The following SOX6 variants were observed in gnomAD, a reference collection of about 807,000 sequenced individuals.
SOX6 encodes SRY-box transcription factor 6, also known as transcription factor SOX-6.
A neutral mutation model predicts 97.8 loss-of-function variants in SOX6; 11 were observed. The ratio of observed to expected loss-of-function variants is 0.11; its 90% CI spans 0.07 to 0.19. SOX6 has a LOEUF of 0.19. Ranked by LOEUF, SOX6 falls within the 10% of genes least tolerant of loss-of-function variation. SOX6 has a pLI of 1.00. For missense variants in SOX6, 810 were observed against 1,039.5 expected, an observed-to-expected ratio of 0.78 and a Z score of 3.04; for synonymous variants, 360 against 371.4, an observed-to-expected ratio of 0.97 and a Z score of 0.35.
intron 3 of SOX6, among the ~76,000 whole-genome samples, chr11:16,684,941 G>A (rs1165184374): frequency 1.3e-5 from 2 of 152,016 alleles, no homozygotes; most frequent in Non-Finnish European, 1.5e-5. Context: ...GGTACCAGAC[G>A]TGTCACATGG....
At chr11:16,293,804 T>A (rs1371465010) in intron 3 of SOX6, among the ~76,000 whole-genome samples, 1 of 152,026 alleles carries the variant, frequency 6.6e-6, no homozygotes, top group Non-Finnish European at 1.5e-5. Context: ...CACATTTTAT[T>A]TCTCATATCC....
At chr11:16,246,520 T>C (rs1023578313) in intron 3 of SOX6, among the ~76,000 whole-genome samples, 15 of 152,078 alleles carry the variant, frequency 9.9e-5, no homozygotes, top group Non-Finnish European at 1.9e-4. Context: ...AATTATAAAA[T>C]TGTAGGTTGC....
chr11:16,666,091 C>T (rs763014634), intron 3 of SOX6, among the ~76,000 whole-genome samples: 29 of 152,274 alleles, frequency 1.9e-4, no homozygotes, highest in Admixed American at 3.9e-4. Flanking sequence ...TGGACAGATA[C>T]AAACAAGCCC....
At chr11:16,171,996 C>A (rs1408495827) in intron 6 of SOX6, among the ~76,000 whole-genome samples, 1 of 151,620 alleles carries the variant, frequency 6.6e-6, no homozygotes, top group Admixed American at 6.6e-5. Context: ...ATCCTTCAAG[C>A]AGGAGACCCA....
chr11:16,281,654 T>A (rs2134243404), intron 3 of SOX6, among the ~76,000 whole-genome samples: 1 of 152,026 alleles, frequency 6.6e-6, no homozygotes, highest in South Asian at 2.1e-4. Context: ...CATATTAATA[T>A]CTGTTAATAT....
intron 1 of SOX6, among the ~76,000 whole-genome samples, chr11:16,352,188 A>G (rs1400706824): frequency 6.6e-6 from 1 of 152,042 alleles, no homozygotes; most frequent in Non-Finnish European, 1.5e-5. Flanking sequence ...CTCCCAAAAT[A>G]ATCAATTTAT....
At chr11:16,713,580 CAT>C (rs1371917118) in intron 3 of SOX6, among the ~76,000 whole-genome samples, 2 of 152,114 alleles carry the variant, frequency 1.3e-5, no homozygotes, top group Non-Finnish European at 2.9e-5. Flanking sequence ...CTCTAAAATT[CAT>C]ATGAGTATAA....
chr11:16,318,659 A>G lies in SOX6; in HGVS notation c.238-6T>C. ...AACTTATTATTCTCTGATTCCTAGA[A>G]AAATAAAATAAAATAAAACCATTAG... On this transcript the variant is annotated splice_polypyrimidine_tract_variant and splice_region_variant and intron_variant, in intron 2 of 15. Coordinates refer to ENST00000683767, the MANE Select transcript of SOX6 (RefSeq NM_001367873.1). The G allele has an allele frequency of 6.2e-7, 1 of 1,605,348 alleles. No individual in the cohort carries two copies. The highest frequency in any genetic ancestry group is 8.5e-7 in the Non-Finnish European group (1 of 1,172,952).
chr11:16,497,683 T>A (rs1372788862), intron 4 of SOX6, among the ~76,000 whole-genome samples: 2 of 152,140 alleles, frequency 1.3e-5, no homozygotes, highest in Non-Finnish European at 2.9e-5. Context: ...CAAGCCTAAG[T>A]AGCCGATTTG....
intron 4 of SOX6, among the ~76,000 whole-genome samples, chr11:16,556,123 A>G (rs1847745668): frequency 6.6e-6 from 1 of 151,732 alleles, no homozygotes; most frequent in South Asian, 2.1e-4. Context: ...AACAATCATC[A>G]CTAGAAACAG....
chr11:16,531,171 G>C (rs188743601), intron 4 of SOX6, among the ~76,000 whole-genome samples: 33 of 150,676 alleles, frequency 2.2e-4, no homozygotes, highest in Non-Finnish European at 4.0e-4. Context: ...TATATATAGA[G>C]AGAAAGAGAG....
At chr11:16,070,848 C>T (rs549329141) in intron 9 of SOX6, among the ~76,000 whole-genome samples, 24 of 152,298 alleles carry the variant, frequency 1.6e-4, no homozygotes, top group African/African-American at 5.3e-4. Context: ...CCCCTATATC[C>T]CTCCCATCAC....
chr11:15,986,258 T>A lies in SOX6; in HGVS notation c.2129A>T (p.Tyr710Phe). Reference sequence around the variant, plus strand: ...TCTCCGAGACCTCATCAGTTGCTTATACTCCCCAATCCGAAGCTTTTTGCC... The same window carrying A: ...TCTCCGAGACCTCATCAGTTGCTTAAACTCCCCAATCCGAAGCTTTTTGCC... ...VDGKKLRIGE[Y>F]KQLMRSRRQE... Residue 710 changes from tyrosine to phenylalanine, a missense_variant, in exon 15 of 16, where the codon TAT becomes TTT. Coordinates refer to ENST00000683767, the MANE Select transcript of SOX6 (RefSeq NM_001367873.1). The A allele has an allele frequency of 6.2e-7, 1 of 1,614,204 alleles. No individual in the cohort carries two copies. The highest frequency in any genetic ancestry group is 8.5e-7 in the Non-Finnish European group (1 of 1,180,012).
chr11:16,310,289 G>A (rs549425532), intron 3 of SOX6, among the ~76,000 whole-genome samples: 25 of 151,898 alleles, frequency 1.6e-4, no homozygotes, highest in Middle Eastern at 3.4e-3. Context: ...GTTTTTTAAG[G>A]TAATATGAGA....
intron 4 of SOX6, among the ~76,000 whole-genome samples, chr11:16,226,628 A>C (rs1399586132): frequency 6.6e-6 from 1 of 152,170 alleles, no homozygotes; most frequent in Non-Finnish European, 1.5e-5. Flanking sequence ...ATATCTCATA[A>C]ATAACTATGG....
intron 3 of SOX6, among the ~76,000 whole-genome samples, chr11:16,645,695 A>G (rs1590034739): frequency 6.6e-6 from 1 of 152,366 alleles, no homozygotes; most frequent in South Asian, 2.1e-4. Flanking sequence ...GCTGCAAGCC[A>G]AGAAACACCA....
rs114784155 is a variant in SOX6, at chr11:16,627,670, T to C, written n.430-15410A>G. On this transcript the variant is annotated intron_variant and non_coding_transcript_variant, in intron 3 of 5. Coordinates refer to the SOX6 transcript ENST00000524520. ...TTTGTGTTTTCCTTGTTCAATTGTT[T>C]AAGCTCCTTCTGGATTCTGGATATT... Among the ~76,000 whole-genome samples the C allele has an allele frequency of 3.1e-3, 473 of 152,364 alleles. 4 individuals are homozygous for C. Among genetic ancestry groups the C allele is most frequent in the African/African-American group, 0.011 (446 of 41,582 alleles).
In SOX6 at chr11:16,010,549, C is replaced by T. The variant is rs939713343; in HGVS notation, c.1732+4393G>A. On this transcript the variant is annotated intron_variant, in intron 13 of 15. Transcript: ENST00000683767. ...TAGAAGAATGTTTTCTTACTCAAAC[C>T]ATGCAGCAAAACAGAAACAAAAGAA... is the stretch of plus-strand genomic sequence containing the variant. 2.2e-4 allele frequency among the ~76,000 whole-genome samples: 33 copies of T among 152,018 alleles called. 1 individual carries two copies. Among genetic ancestry groups the T allele is most frequent in the Admixed American group, 2.1e-3 (32 of 15,252 alleles).
intron 4 of SOX6, among the ~76,000 whole-genome samples, chr11:16,487,028 A>G (rs1001907274): frequency 4.6e-5 from 7 of 152,148 alleles, no homozygotes; most frequent in African/African-American, 1.7e-4. Context: ...TTCCTAGCAC[A>G]CTAAAATTCA....
Sources: allele counts gnomAD v4.1 joint callset (sites outside exome capture counted in the v4.1 genomes callset), GRCh38; gene constraint gnomAD v4.1.1; transcripts MANE v1.5; gene names NCBI Gene and HGNC (gene_info 2026-07-23, HGNC 2026-07-21).